The following NKAIN3 variants were observed in gnomAD, a reference collection of about 807,000 sequenced individuals.
NKAIN3 encodes the protein sodium/potassium transporting ATPase interacting 3.
A neutral mutation model predicts 30.2 loss-of-function variants in NKAIN3; 25 were observed. The ratio of observed to expected loss-of-function variants is 0.83; its 90% CI spans 0.60 to 1.16. The LOEUF (loss-of-function observed/expected upper bound fraction) is 1.16, where lower values mean the gene tolerates loss of function less well. NKAIN3 is among the 50% of genes most tolerant of loss of function. The pLI, the probability that NKAIN3 is intolerant of heterozygous loss-of-function variation, is 0.00. For synonymous variants in NKAIN3, 91 were observed against 89.6 expected (o/e 1.02, Z -0.09); for missense variants, 225 against 254.1 (o/e 0.89, Z 0.78).
chr8:62,768,796 A>T (rs965157246), intron 4 of NKAIN3, among the ~76,000 whole-genome samples: 1 of 152,212 alleles, frequency 6.6e-6, no homozygotes, highest in Non-Finnish European at 1.5e-5. Context: ...AAATTTAACA[A>T]TCCAAACAAG....
chr8:62,617,014 A>G (rs1476851700), intron 3 of NKAIN3, among the ~76,000 whole-genome samples: 1 of 152,112 alleles, frequency 6.6e-6, no homozygotes, highest in Non-Finnish European at 1.5e-5. Context: ...CTGGTTGTTT[A>G]AAAGTGTGTG....
chr8:62,426,940 A>G (rs1804825797), intron 1 of NKAIN3, among the ~76,000 whole-genome samples: 1 of 151,998 alleles, frequency 6.6e-6, no homozygotes, highest in Admixed American at 6.6e-5. Context: ...GTAATATCAC[A>G]CTGGATCCTT....
intron 3 of NKAIN3, among the ~76,000 whole-genome samples, chr8:62,606,210 C>G (rs1811125781): frequency 6.6e-6 from 1 of 152,014 alleles, no homozygotes; most frequent in African/African-American, 2.4e-5. Context: ...AGGTCACTAC[C>G]CTTGAGAGGT....
At chr8:62,318,487 T>C (rs1371931935) in intron 1 of NKAIN3, among the ~76,000 whole-genome samples, 1 of 152,204 alleles carries the variant, frequency 6.6e-6, no homozygotes, top group Non-Finnish European at 1.5e-5. Flanking sequence ...ACCTAATTTA[T>C]TGAGAGTTTT....
intron 1 of NKAIN3, among the ~76,000 whole-genome samples, chr8:62,268,850 A>G (rs1812687976): frequency 1.3e-5 from 2 of 152,188 alleles, no homozygotes; most frequent in East Asian, 1.9e-4. Flanking sequence ...TTGTATATGC[A>G]TAATACTACA....
At chr8:62,897,945 A>G (rs545536716) in intron 4 of NKAIN3, among the ~76,000 whole-genome samples, 3 of 152,272 alleles carry the variant, frequency 2.0e-5, no homozygotes, top group East Asian at 3.9e-4. Context: ...TCAGAATTGT[A>G]AGCCAAATTA....
chr8:62,964,537 AGTGTGTGTGTGTGTGT>A (rs56313500), intron 6 of NKAIN3, among the ~76,000 whole-genome samples: 5 of 133,132 alleles, frequency 3.8e-5, no homozygotes, highest in Admixed American at 7.7e-5. Flanking sequence ...AGAGAGAGAG[AGTGTGTGTGTGTGTGT>A]GTGTGTGTGT....
At chr8:62,340,417 A>G (rs1017469316) in intron 1 of NKAIN3, among the ~76,000 whole-genome samples, 2 of 151,874 alleles carry the variant, frequency 1.3e-5, no homozygotes, top group Non-Finnish European at 2.9e-5. Flanking sequence ...AGTTTCTATT[A>G]CCTGCTTTGG....
intron 1 of NKAIN3, among the ~76,000 whole-genome samples, chr8:62,410,585 A>G (rs1237012406): frequency 6.6e-6 from 1 of 152,206 alleles, no homozygotes; most frequent in Admixed American, 6.5e-5. Flanking sequence ...TTGGAAAAAA[A>G]CAAAACAAGA....
chr8:62,782,250 T>C (rs905355681), intron 4 of NKAIN3, among the ~76,000 whole-genome samples: 2 of 151,926 alleles, frequency 1.3e-5, no homozygotes, highest in African/African-American at 4.8e-5. Context: ...GAATGCCAAT[T>C]ACTAAAAAGA....
chr8:62,815,955 T>A (rs1818664362), intron 4 of NKAIN3, among the ~76,000 whole-genome samples: 1 of 152,194 alleles, frequency 6.6e-6, no homozygotes, highest in African/African-American at 2.4e-5. Context: ...TTTTGTTGAA[T>A]TATCTATCTG....
At chr8:62,338,002 A>C (rs946381502) in intron 1 of NKAIN3, among the ~76,000 whole-genome samples, 6 of 151,988 alleles carry the variant, frequency 3.9e-5, no homozygotes, top group South Asian at 2.1e-4. Flanking sequence ...ACTTTTCACA[A>C]ATTTCTTTCT....
intron 4 of NKAIN3, among the ~76,000 whole-genome samples, chr8:62,849,525 T>C (rs1283927037): frequency 6.6e-6 from 1 of 151,786 alleles, no homozygotes; most frequent in Non-Finnish European, 1.5e-5. Context: ...TGTATACATG[T>C]GCCATGTTGG....
intron 4 of NKAIN3, among the ~76,000 whole-genome samples, chr8:62,869,855 C>T (rs1240227683): frequency 5.9e-5 from 9 of 152,138 alleles, no homozygotes; most frequent in Non-Finnish European, 7.4e-5. Context: ...GCAAGCTCCG[C>T]CTCCCGAGTT....
chr8:62,896,859 A>G (rs943998121), intron 4 of NKAIN3, among the ~76,000 whole-genome samples: 1 of 152,192 alleles, frequency 6.6e-6, no homozygotes, highest in Non-Finnish European at 1.5e-5. Flanking sequence ...TTAAGAGAGC[A>G]ATCTCAGCAG....
intron 1 of NKAIN3, among the ~76,000 whole-genome samples, chr8:62,305,231 T>TAAA (rs1465465618): frequency 2.0e-5 from 3 of 150,402 alleles, no homozygotes; most frequent in Non-Finnish European, 2.9e-5. Flanking sequence ...TATTGCTTCT[T>TAAA]TAGTTGTTGA....
At chr8:62,754,215 A>G (rs2130601617) in intron 4 of NKAIN3, among the ~76,000 whole-genome samples, 1 of 152,278 alleles carries the variant, frequency 6.6e-6, no homozygotes, top group South Asian at 2.1e-4. Context: ...GCACTCATAA[A>G]TCTTAGTTAC....
intron 1 of NKAIN3, among the ~76,000 whole-genome samples, chr8:62,386,523 A>T (rs1417479225): frequency 6.6e-6 from 1 of 152,204 alleles, no homozygotes; most frequent in Non-Finnish European, 1.5e-5. Context: ...CAAGTTAATT[A>T]TTTGATTTAT....
At chr8:62,777,296 T>C (rs1177978745) in intron 4 of NKAIN3, among the ~76,000 whole-genome samples, 4 of 152,198 alleles carry the variant, frequency 2.6e-5, no homozygotes, top group African/African-American at 9.6e-5. Flanking sequence ...ACCCTATCTC[T>C]CTGTCTACCT....
Sources: gnomAD v4.1 joint callset for allele counts (sites outside exome capture counted in the v4.1 genomes callset) on GRCh38, gnomAD v4.1.1 for gene constraint, MANE v1.5 for transcripts, NCBI Gene and HGNC (gene_info 2026-07-23, HGNC 2026-07-21) for gene names.